Variants in RB1CC1 observed in about 807,000 individuals in gnomAD.
The protein encoded by RB1CC1 is RB1 inducible coiled-coil 1.
Under a neutral mutation model 177.5 loss-of-function variants are expected in RB1CC1, and 46 were observed. The ratio of observed to expected loss-of-function variants is 0.26; its 90% confidence interval spans 0.20 to 0.33. RB1CC1 has a LOEUF of 0.33. RB1CC1 is among the 10% of genes least tolerant of loss of function. The pLI, the probability that RB1CC1 is intolerant of heterozygous loss-of-function variation, is 1.00. For synonymous variants in RB1CC1, 666 were observed against 613.6 expected (o/e 1.09, Z -1.26); for missense variants, 1,703 against 1,816.3 (o/e 0.94, Z 1.13).
Position 52,698,669 on chromosome 8 carries a change from G to GTTTTTTTTTTTTTTTT in RB1CC1, c.-166-11703_-166-11702insAAAAAAAAAAAAAAAA, listed in dbSNP as rs1855693493. Among the ~76,000 whole-genome samples the GTTTTTTTTTTTTTTTT allele has an allele frequency of 1.8e-4, 4 of 22,770 alleles. 2 individuals are homozygous for GTTTTTTTTTTTTTTTT. Among genetic ancestry groups the GTTTTTTTTTTTTTTTT allele is most frequent in the African/African-American group, 2.7e-4 (2 of 7,330 alleles). The allele number at this position is 22,770 out of a possible 152,430, so 14.9% of individuals were successfully genotyped here. ...AACAAAAACTGTATATGTAATGGTT[G>GTTTTTTTTTTTTTTTT]GTTTTTTTTTTTTTTTTTTTTTTTT... On this transcript the variant is annotated intron_variant, in intron 1 of 23. Coordinates refer to ENST00000025008, the MANE Select transcript of RB1CC1 (RefSeq NM_014781.5).
rs140195177 is a variant in RB1CC1 at position 52,683,278 on chromosome 8, TC to T, written c.369+270del. On this transcript the variant is annotated intron_variant, in intron 5 of 23. Transcript: ENST00000025008. ...ACGTAGGTCCTTTATTAATTAATGT[TC>T]AAAAGTAACTATTTACATATTATCT... is the stretch of plus-strand genomic sequence containing the variant. Among the ~76,000 whole-genome samples, 102 of 152,324 alleles carry T rather than the reference TC, an allele frequency of 6.7e-4. 1 individual carries two copies. The highest frequency in any genetic ancestry group is 2.4e-3 in the African/African-American group (99 of 41,592).
At chr8:52,630,172 G>A (rs1375357388) in intron 21 of RB1CC1, among the ~76,000 whole-genome samples, 1 of 152,138 alleles carries the variant, frequency 6.6e-6, no homozygotes, top group African/African-American at 2.4e-5. Flanking sequence ...ACAAGACTAA[G>A]GAGATAAATG....
chr8:52,699,647 GAAA>G (rs373480962), intron 1 of RB1CC1, among the ~76,000 whole-genome samples: 2 of 123,690 alleles, frequency 1.6e-5, no homozygotes, highest in Non-Finnish European at 3.3e-5. Flanking sequence ...TGTCTCTAGT[GAAA>G]AAAAAAAAAA....
intron 2 of RB1CC1, 106 bp downstream of exon 2, chr8:52,686,747 T>C (rs1199972038): frequency 9.2e-6 from 3 of 324,398 alleles, no homozygotes; most frequent in African/African-American, 6.6e-5. Flanking sequence ...TAGAGAATTA[T>C]TAGAGAAGGA....
intron 5 of RB1CC1, among the ~76,000 whole-genome samples, chr8:52,678,982 A>G (rs748589335): frequency 1.2e-4 from 18 of 152,112 alleles, no homozygotes; most frequent in Non-Finnish European, 2.2e-4. Flanking sequence ...AAAGGGAAAC[A>G]AGACACCATC....
chr8:52,699,830 AATAT>A (rs1211106554), intron 1 of RB1CC1, among the ~76,000 whole-genome samples: 1,310 of 26,704 alleles, frequency 0.049, 85 homozygotes, highest in Middle Eastern at 0.11. Flanking sequence ...AAAAAAAAAA[AATAT>A]ATATATATAT....
chr8:52,673,699 G>C (rs1852809794), intron 7 of RB1CC1, 146 bp downstream of exon 7: 2 of 723,348 alleles, frequency 2.8e-6, no homozygotes, highest in African/African-American at 3.6e-5. Context: ...GAATTAAATT[G>C]ATTCAACCTA....
Position 52,685,383 on chromosome 8 carries a change from A to G in RB1CC1, c.71+16T>C. ...CAGACAGAATGCGAAAAAAAAATAA[A>G]TGAAATACAACTCACGTTTGCACTG... On this transcript the variant is annotated intron_variant, in intron 3 of 23. Transcript: ENST00000025008. 1 of 1,558,110 alleles carries G rather than the reference A, an allele frequency of 6.4e-7. No homozygotes were observed. The highest frequency in any genetic ancestry group is 8.8e-7 in the Non-Finnish European group (1 of 1,137,762).
Position 52,683,689 on chromosome 8 carries a change from C to A in RB1CC1, c.229G>T (p.Glu77Ter). The change falls in exon 5 of 24, where the codon GAA becomes TAA. Residue 77 changes from glutamate (E) to a stop codon, truncating the protein, a stop_gained. Coordinates refer to ENST00000025008, the MANE Select transcript of RB1CC1 (RefSeq NM_014781.5). LOFTEE classifies it high-confidence loss of function. ...GGTGGACGATCACATAAGATCATTT[C>A]TTTGTTAAAAAGAAAAATTGGATTT... is the stretch of plus-strand genomic sequence containing the variant. ...DTNPIFLFNK[E>*]MILCDRPPAI... 1 of 1,589,418 alleles carries A rather than the reference C, an allele frequency of 6.3e-7. No homozygotes were observed. Among genetic ancestry groups the A allele is most frequent in the Non-Finnish European group, 8.5e-7 (1 of 1,170,668 alleles).
chr8:52,709,448 T>G (rs1856872227), intron 1 of RB1CC1, among the ~76,000 whole-genome samples: 1 of 151,950 alleles, frequency 6.6e-6, no homozygotes, highest in Admixed American at 6.5e-5. Flanking sequence ...CAGTCAAAAC[T>G]TAGAATTAGG....
chr8:52,650,773 C>T (rs1435938068), intron 15 of RB1CC1, among the ~76,000 whole-genome samples: 6 of 152,144 alleles, frequency 3.9e-5, no homozygotes, highest in Admixed American at 3.9e-4. Flanking sequence ...ACAGTACACA[C>T]TTGTAGTTGT....
At chr8:52,689,312 T>C (rs1016753921) in intron 1 of RB1CC1, among the ~76,000 whole-genome samples, 1 of 152,220 alleles carries the variant, frequency 6.6e-6, no homozygotes, top group Non-Finnish European at 1.5e-5. Flanking sequence ...AAATTTGTCC[T>C]GTAAATTCTA....
At chr8:52,660,806 A>G (rs1851547497) in intron 11 of RB1CC1, 120 bp downstream of exon 11, 2 of 1,101,960 alleles carry the variant, frequency 1.8e-6, no homozygotes, top group Non-Finnish European at 2.6e-6. Context: ...TTTAAAAGGA[A>G]TATTTCCTAG....
intron 1 of RB1CC1, among the ~76,000 whole-genome samples, chr8:52,694,471 G>A (rs918333284): frequency 5.3e-5 from 8 of 152,178 alleles, no homozygotes; most frequent in African/African-American, 9.7e-5. Flanking sequence ...CAAACGGGAC[G>A]CAGCAGGAGT....
chr8:52,647,891 T>C (rs1297339731), intron 15 of RB1CC1, among the ~76,000 whole-genome samples: 4 of 152,126 alleles, frequency 2.6e-5, no homozygotes. Context: ...TAAAGAAGCC[T>C]GAAGGAGAGC....
At chr8:52,628,827 T>C (rs1767314593) in intron 21 of RB1CC1, among the ~76,000 whole-genome samples, 1 of 152,210 alleles carries the variant, frequency 6.6e-6, no homozygotes, top group Non-Finnish European at 1.5e-5. Flanking sequence ...ATTTTTCAGT[T>C]GTCAAGATCA....
intron 1 of RB1CC1, among the ~76,000 whole-genome samples, chr8:52,699,858 T>TATATATATATAC (rs756226534): frequency 2.8e-4 from 29 of 102,744 alleles, no homozygotes; most frequent in East Asian, 1.2e-3. Context: ...TATATATATA[T>TATATATATATAC]ACACACAAAA....
At chr8:52,701,866 G>A (rs1343466881) in intron 1 of RB1CC1, among the ~76,000 whole-genome samples, 1 of 151,648 alleles carries the variant, frequency 6.6e-6, no homozygotes, top group Non-Finnish European at 1.5e-5. Flanking sequence ...GAGTGCAGTG[G>A]CACAATCTCA....
chr8:52,714,185 C>T lies in RB1CC1; in HGVS notation c.-277G>A. 8.6e-6 allele frequency: 2 copies of T among 231,918 alleles called. No individual in the cohort carries two copies. Among genetic ancestry groups the T allele is most frequent in the Non-Finnish European group, 1.8e-5 (2 of 111,062 alleles). The allele number at this position is 231,918 out of a possible 1,614,324, so 14.4% of individuals were successfully genotyped here. On this transcript the variant is annotated 5_prime_UTR_variant, in exon 1 of 24. It adds an upstream start codon to the 5' untranslated region. Transcript: ENST00000025008. ...GCGGTTACCAACCGCCCATTCGGCA[C>T]CGCTAAGCCGACACAACCGCCGGCG...
Sources: gnomAD v4.1 joint callset for allele counts (sites outside exome capture counted in the v4.1 genomes callset) on GRCh38, gnomAD v4.1.1 for gene constraint, MANE v1.5 for transcripts, NCBI Gene and HGNC (gene_info 2026-07-23, HGNC 2026-07-21) for gene names.